BCCIP: variants seen among roughly 807,000 people sequenced by gnomAD.
BCCIP encodes BRCA2 and CDKN1A interacting protein, also known as BRCA2 and CDKN1A-interacting protein.
In BCCIP, 23 loss-of-function variants were observed where a neutral mutation model predicts 32.8. The ratio of observed to expected loss-of-function variants is 0.70; its 90% CI spans 0.51 to 0.99. The LOEUF (loss-of-function observed/expected upper bound fraction) is 0.99, where lower values mean the gene tolerates loss of function less well. Ranked by LOEUF, BCCIP falls within the 50% of genes least tolerant of loss-of-function variation. The pLI, the probability that BCCIP is intolerant of heterozygous loss-of-function variation, is 0.00. For missense variants in BCCIP, 378 were observed against 379.8 expected, an observed-to-expected ratio of 1.00 and a Z score of 0.04; for synonymous variants, 144 against 137.6, an observed-to-expected ratio of 1.05 and a Z score of -0.33.
At chr10:125,826,780 G>C in intron 2 of BCCIP, 115 bp downstream of exon 2, 1 of 1,464,238 alleles carries the variant, frequency 6.8e-7, no homozygotes, top group Non-Finnish European at 9.0e-7. Context: ...TGAGAGGATT[G>C]CTTGAGCCCA....
chr10:125,840,468 C>T (rs889095114), downstream of BCCIP, among the ~76,000 whole-genome samples: 3 of 152,232 alleles, frequency 2.0e-5, no homozygotes, highest in African/African-American at 4.8e-5. Flanking sequence ...TGCCAGGATA[C>T]GGAAGGTGCA....
downstream of BCCIP, chr10:125,840,978 T>C (rs1031271369): frequency 6.9e-6 from 11 of 1,602,756 alleles, no homozygotes; most frequent in Non-Finnish European, 9.4e-6. Context: ...ATGTGGCACA[T>C]GTGAAAAGCA....
In BCCIP at chr10:125,828,539, C is replaced by T. The variant is rs115494944; in HGVS notation, c.321+901C>T. Among the ~76,000 whole-genome samples the T allele has an allele frequency of 4.5e-3, 678 of 152,248 alleles. 2 individuals are homozygous for T. The highest frequency in any genetic ancestry group is 0.015 in the African/African-American group (639 of 41,536). The stretch of plus-strand genomic sequence containing the variant: ...AGAAGAAACAATAGTGCAGTGATGT[C>T]ATACACAGCAAGAAAGATAACATTT... On this transcript the variant is annotated intron_variant, in intron 3 of 6. Coordinates refer to ENST00000278100, the MANE Select transcript of BCCIP (RefSeq NM_078468.3).
chr10:125,827,958 C>T (rs1337308440), intron 3 of BCCIP, among the ~76,000 whole-genome samples: 1 of 135,516 alleles, frequency 7.4e-6, no homozygotes, highest in Non-Finnish European at 1.6e-5. Flanking sequence ...ACAGCAAGAC[C>T]CTATATCTGA....
At chr10:125,826,733 T>A in intron 2 of BCCIP, 68 bp downstream of exon 2, 2 of 1,581,992 alleles carry the variant, frequency 1.3e-6, no homozygotes, top group South Asian at 2.3e-5. Context: ...GGTGCAGTGG[T>A]TCATGCCTAT....
Position 125,823,624 on chromosome 10 carries a change from C to T in BCCIP, c.67C>T (p.Gln23Ter). 1.9e-6 allele frequency: 3 copies of T among 1,614,056 alleles called. No individual in the cohort carries two copies. The highest frequency in any genetic ancestry group is 1.7e-6 in the Non-Finnish European group (2 of 1,180,000). Residue 23 changes from glutamine to a stop codon, truncating the protein, a stop_gained, in exon 1 of 7, where the codon CAG (glutamine) becomes TAG (stop). Transcript: ENST00000278100. LOFTEE classifies it high-confidence loss of function. Reference protein sequence around the residue: ...GVPQPPDPPVQRDEEEEKEVE... With the variant: ...GVPQPPDPPV Reference sequence around the variant, plus strand: ...TCCGCAGCCGCCGGATCCCCCAGTCCAGCGCGACGAGGAAGAGGAAAAAGA... The same window carrying T: ...TCCGCAGCCGCCGGATCCCCCAGTCTAGCGCGACGAGGAAGAGGAAAAAGA...
rs759735985 is a variant in BCCIP, at chr10:125,823,553, G to A, written c.-5G>A. 3.1e-6 allele frequency: 5 copies of A among 1,613,192 alleles called. No homozygotes were observed. The highest frequency in any genetic ancestry group is 2.2e-5 in the East Asian group (1 of 44,872). On this transcript the variant is annotated 5_prime_UTR_variant, in exon 1 of 7. Transcript: ENST00000278100. ...AAGCTGCGCAGGCGCAGTGTGAGCG[G>A]CAACATGGCGTCCAGGTCTAAGCGG...
chr10:125,836,697 G>A (rs374910849), downstream of BCCIP: 58 of 1,614,132 alleles, frequency 3.6e-5, no homozygotes, highest in East Asian at 1.3e-3. Flanking sequence ...TCACTGGAGA[G>A]TGCATCTCTG....
exon 7 of BCCIP, chr10:125,842,720 C>T (rs1854915864): frequency 3.2e-6 from 2 of 618,528 alleles, no homozygotes; most frequent in Non-Finnish European, 4.0e-6. Flanking sequence ...AAAAATTAAT[C>T]ACAACTGACC....
intron 7 of BCCIP, among the ~76,000 whole-genome samples, chr10:125,851,336 T>TC (rs369429191): frequency 5.3e-4 from 80 of 152,284 alleles, no homozygotes; most frequent in African/African-American, 1.9e-3. Flanking sequence ...AACCCTTTTG[T>TC]CCCCCAGTTA....
chr10:125,837,004 T>C (rs1854712194), downstream of BCCIP: 3 of 683,608 alleles, frequency 4.4e-6, no homozygotes, highest in Non-Finnish European at 7.3e-6. Flanking sequence ...AGTCCGACTT[T>C]GTAAAATAAA....
At position 125,851,207 on chromosome 10, in the gene BCCIP, C is replaced by G. The variant is rs898588654; in HGVS notation, c.851-1918C>G. Among the ~76,000 whole-genome samples, 5 of 152,200 alleles carry G rather than the reference C, an allele frequency of 3.3e-5. No individual in the cohort carries two copies. The East Asian group carries it at 9.6e-4, about 29-fold the overall frequency. On this transcript the variant is annotated intron_variant, in intron 7 of 7. Coordinates refer to the BCCIP transcript ENST00000368759. Reference sequence around the variant, plus strand: ...AATTAAATGCAGCAGCTGCGAGCATCTTTTTCTTTTTTTGCTTCCAAAACA... The same window carrying G: ...AATTAAATGCAGCAGCTGCGAGCATGTTTTTCTTTTTTTGCTTCCAAAACA...
intron 1 of BCCIP, among the ~76,000 whole-genome samples, chr10:125,824,714 A>G (rs1219205581): frequency 3.9e-5 from 6 of 152,242 alleles, no homozygotes; most frequent in Non-Finnish European, 8.8e-5. Flanking sequence ...TTCCCCTACA[A>G]TCAGTCTATA....
chr10:125,841,782 A>C (rs1800428829), exon 7 of BCCIP: 1 of 1,612,966 alleles, frequency 6.2e-7, no homozygotes, highest in Admixed American at 1.7e-5. Context: ...TCATCTACAC[A>C]GTCAAATTCA....
chr10:125,835,323 G>A (rs1225974596), intron 6 of BCCIP, among the ~76,000 whole-genome samples: 2 of 152,106 alleles, frequency 1.3e-5, no homozygotes, highest in East Asian at 3.9e-4. Context: ...GCTCATGCCT[G>A]TAATCCCAGC....
chr10:125,831,232 G>A (rs554541313), intron 4 of BCCIP, among the ~76,000 whole-genome samples, 188 bp from the exon 5 acceptor site: 42 of 152,290 alleles, frequency 2.8e-4, no homozygotes, highest in African/African-American at 1.0e-3. Flanking sequence ...ATCATGGGAT[G>A]GTAAATAACC....
chr10:125,831,317 A>G (rs1854515651), intron 4 of BCCIP, 103 bp from the exon 5 acceptor site: 3 of 1,143,186 alleles, frequency 2.6e-6, no homozygotes, highest in East Asian at 4.7e-5. Context: ...ATGGCAGGAA[A>G]CTGCCCTTAG....
chr10:125,830,693 C>T (rs747775634), intron 4 of BCCIP, 42 bp downstream of exon 4: 1 of 1,216,372 alleles, frequency 8.2e-7, no homozygotes, highest in Non-Finnish European at 1.2e-6. Flanking sequence ...ATTTCTTAGG[C>T]CAAAACCACT....
intron 7 of BCCIP, among the ~76,000 whole-genome samples, chr10:125,849,974 G>A (rs536309293): frequency 5.3e-5 from 8 of 152,004 alleles, no homozygotes; most frequent in African/African-American, 1.9e-4. Context: ...AGAATCTTTT[G>A]TTTCTCTTTT....
Sources: allele counts gnomAD v4.1 joint callset (sites outside exome capture counted in the v4.1 genomes callset), GRCh38; gene constraint gnomAD v4.1.1; transcripts MANE v1.5; gene names NCBI Gene and HGNC (gene_info 2026-07-23, HGNC 2026-07-21).